The following ABHD2 variants were observed in gnomAD, a reference collection of about 807,000 sequenced individuals.
The protein encoded by ABHD2 is monoacylglycerol lipase ABHD2.
A neutral mutation model predicts 48.1 loss-of-function variants in ABHD2; 20 were observed. The ratio of observed to expected loss-of-function variants is 0.42; its 90% CI spans 0.29 to 0.60. The LOEUF (loss-of-function observed/expected upper bound fraction) is 0.60, where lower values mean the gene tolerates loss of function less well. Ranked by LOEUF, ABHD2 falls within the 20% of genes least tolerant of loss-of-function variation. The pLI is 0.24. For missense variants in ABHD2, 405 were observed against 550.9 expected (o/e 0.74, Z 2.65); for synonymous variants, 209 against 214.2 (o/e 0.98, Z 0.21).
chr15:89,108,519 T>C (rs1208520079), intron 1 of ABHD2, among the ~76,000 whole-genome samples: 1 of 152,224 alleles, frequency 6.6e-6, no homozygotes, highest in Admixed American at 6.5e-5. Context: ...TTCACTGGTT[T>C]CAGATGGACA....
In ABHD2 at chr15:89,146,345, C is replaced by A. The variant is rs1427833306; in HGVS notation, c.195-5332C>A. 7.3e-6 allele frequency among the ~76,000 whole-genome samples: 1 copy of A among 136,728 alleles called. No individual in the cohort carries two copies. Among genetic ancestry groups the A allele is most frequent in the African/African-American group, 2.8e-5 (1 of 35,524 alleles). 89.7% of individuals were successfully genotyped at this position (136,728 alleles called of 152,430 possible). ...CGTGCCTATGTGAGCTTCATCTGCT[C>A]AAAGACGTACGTGTGTGTGTGTGTG... On this transcript the variant is annotated intron_variant, in intron 3 of 10. Transcript: ENST00000352732. This position sits in a 1 kb window ranked among gnomAD's most constrained non-coding sequence, Gnocchi z 4.2.
At chr15:89,192,370 A>G (rs1853920526) in intron 9 of ABHD2, among the ~76,000 whole-genome samples, 1 of 152,214 alleles carries the variant, frequency 6.6e-6, no homozygotes, top group African/African-American at 2.4e-5. Flanking sequence ...GAGTCTCCCT[A>G]TCAGTACCAT....
In ABHD2 at chr15:89,184,686, G is replaced by A. The variant is rs2051175987; in HGVS notation, c.723-738G>A. ...CCTCCCTCTGCATGTGCTGCTGGCAGAACCTGGGCTCTGGAAAACAGGGAT... is the reference window on the plus strand; with the variant it reads ...CCTCCCTCTGCATGTGCTGCTGGCAAAACCTGGGCTCTGGAAAACAGGGAT... On this transcript the variant is annotated intron_variant, in intron 6 of 10. Coordinates refer to ENST00000352732, the MANE Select transcript of ABHD2 (RefSeq NM_152924.5). This position sits in a 1 kb window ranked among gnomAD's most constrained non-coding sequence, Gnocchi z 5.1. Among the ~76,000 whole-genome samples, 1 of 152,196 alleles carries A rather than the reference G, an allele frequency of 6.6e-6. No homozygotes were observed. Among genetic ancestry groups the A allele is most frequent in the Non-Finnish European group, 1.5e-5 (1 of 68,030 alleles).
At chr15:89,055,626 A>G in the ABHD2 span, among the ~76,000 whole-genome samples, 7 of 151,464 alleles carry the variant, frequency 4.6e-5, no homozygotes, top group East Asian at 1.2e-3. Context: ...ACTAGTTTAT[A>G]ATATTTACAG....
chr15:89,063,857 C>T, the ABHD2 span, among the ~76,000 whole-genome samples: 1 of 152,018 alleles, frequency 6.6e-6, no homozygotes, highest in African/African-American at 2.4e-5. Context: ...GGGTGGGTAG[C>T]GGGGATGTTT....
chr15:89,169,242 A>G (rs2050882692), intron 5 of ABHD2, among the ~76,000 whole-genome samples: 1 of 152,232 alleles, frequency 6.6e-6, no homozygotes, highest in Non-Finnish European at 1.5e-5. Flanking sequence ...GACATGGTCC[A>G]AAGTCTAGCG....
At chr15:89,089,664 G>C (rs902565435) in intron 1 of ABHD2, among the ~76,000 whole-genome samples, 3 of 152,216 alleles carry the variant, frequency 2.0e-5, no homozygotes, top group African/African-American at 2.4e-5. Context: ...AACAAGATCT[G>C]TGCCCAGAGC....
chr15:89,117,811 G>GGCCCCT lies in ABHD2; in HGVS notation c.194+1293_194+1298dup, dbSNP rs149086088. On this transcript the variant is annotated intron_variant, in intron 3 of 10. Coordinates refer to ENST00000352732, the MANE Select transcript of ABHD2 (RefSeq NM_152924.5). ...TAGGCAATGAACATCTGAGAGTCTGGGCCCCTGCTTTGTGTAGTTGTCTAG... is the reference window on the plus strand; with the variant it reads ...TAGGCAATGAACATCTGAGAGTCTGGGCCCCTGCCCCTGCTTTGTGTAGTTGTCTAG... 2.9e-3 allele frequency among the ~76,000 whole-genome samples: 435 copies of GGCCCCT among 152,236 alleles called. 1 individual carries two copies. The highest frequency in any genetic ancestry group is 0.01 in the African/African-American group (419 of 41,534).
chr15:89,052,543 AC>A, the ABHD2 span, among the ~76,000 whole-genome samples: 1 of 99,040 alleles, frequency 1.0e-5, no homozygotes, highest in Admixed American at 9.3e-5. Flanking sequence ...AGACAGACAG[AC>A]AGACAGACAG....
intron 6 of ABHD2, chr15:89,183,260 T>G (rs1490704934): frequency 6.6e-6 from 1 of 151,628 alleles, no homozygotes; most frequent in Non-Finnish European, 1.5e-5. Flanking sequence ...ACATACTGCC[T>G]ACATATGCAT....
Position 89,102,150 on chromosome 15 carries a change from C to T in ABHD2, c.-106-11575C>T, listed in dbSNP as rs140192858. On this transcript the variant is annotated intron_variant, in intron 1 of 10. Transcript: ENST00000352732. The surrounding 1 kb of genome is among the most constrained non-coding windows in gnomAD (Gnocchi z 4.8). ...CGCCCAGCATTCTTGGGCCTTGGCT[C>T]AACTGTGAGCCCAGCCTGACGTCTG... 2.9e-3 allele frequency among the ~76,000 whole-genome samples: 444 copies of T among 152,320 alleles called. 3 individuals are homozygous for T. The highest frequency in any genetic ancestry group is 0.01 in the African/African-American group (426 of 41,556).
intron 1 of ABHD2, among the ~76,000 whole-genome samples, chr15:89,099,833 C>T (rs541859474): frequency 2.6e-5 from 4 of 151,986 alleles, no homozygotes; most frequent in South Asian, 4.2e-4. Context: ...TGCTTGAACC[C>T]GGGAGGTGGA....
At chr15:89,138,802 A>G (rs1417864026) in intron 3 of ABHD2, among the ~76,000 whole-genome samples, 1 of 152,164 alleles carries the variant, frequency 6.6e-6, no homozygotes, top group East Asian at 1.9e-4. Context: ...CTTGAGTGTG[A>G]TAAAGTAAGG....
chr15:89,158,569 C>T (rs1398540213), intron 5 of ABHD2, among the ~76,000 whole-genome samples: 1 of 152,154 alleles, frequency 6.6e-6, no homozygotes, highest in Non-Finnish European at 1.5e-5. Flanking sequence ...CTGTGTGGCT[C>T]GAGCAGTTTC....
rs2049917413 is a variant in ABHD2, at chr15:89,114,081, A to G, written c.-7+257A>G. On this transcript the variant is annotated intron_variant, in intron 2 of 10. Coordinates refer to ENST00000352732, the MANE Select transcript of ABHD2 (RefSeq NM_152924.5). The surrounding 1 kb of genome is among the most constrained non-coding windows in gnomAD (Gnocchi z 4.2). Reference sequence around the variant, plus strand: ...TGGTGGATTTTAGTTTTGGTCCTCTAATAGAATGTGGAGACTTAAAAGCCT... The same window carrying G: ...TGGTGGATTTTAGTTTTGGTCCTCTGATAGAATGTGGAGACTTAAAAGCCT... Among the ~76,000 whole-genome samples, 1 of 152,218 alleles carries G rather than the reference A, an allele frequency of 6.6e-6. No individual in the cohort carries two copies. Among genetic ancestry groups the G allele is most frequent in the Admixed American group, 6.5e-5 (1 of 15,290 alleles).
At chr15:89,066,884 G>A in the ABHD2 span, among the ~76,000 whole-genome samples, 61 of 152,348 alleles carry the variant, frequency 4.0e-4, 1 homozygote, top group South Asian at 2.3e-3. Flanking sequence ...TGTGTTAGTC[G>A]TCCTTTCTCC....
rs1336078555 is a variant in ABHD2, at chr15:89,116,657, C to T, written c.194+136C>T. 15 of 912,524 alleles carry T rather than the reference C, an allele frequency of 1.6e-5. No individual in the cohort carries two copies. Among genetic ancestry groups the T allele is most frequent in the Non-Finnish European group, 2.4e-5 (15 of 615,080 alleles). The allele number at this position is 912,524 out of a possible 1,614,324, so 56.5% of individuals were successfully genotyped here. On this transcript the variant is annotated intron_variant, in intron 3 of 10. Coordinates refer to ENST00000352732, the MANE Select transcript of ABHD2 (RefSeq NM_152924.5). The surrounding 1 kb of genome is among the most constrained non-coding windows in gnomAD (Gnocchi z 4.6). ...GACGTCACTGGTGTTAAAATAGCCA[C>T]AGTCTGATTGCAGTCTAGTGTTTGA...
the ABHD2 span, among the ~76,000 whole-genome samples, chr15:89,054,820 T>G: frequency 6.6e-6 from 1 of 152,214 alleles, no homozygotes; most frequent in Non-Finnish European, 1.5e-5. Context: ...CTATATGTAC[T>G]GTTTGTAACA....
At chr15:89,131,870 A>G (rs572163189) in intron 3 of ABHD2, among the ~76,000 whole-genome samples, 10 of 152,288 alleles carry the variant, frequency 6.6e-5, no homozygotes, top group African/African-American at 2.2e-4. Context: ...AATAGGTGCT[A>G]TTGAAAACTG....
Sources: gnomAD v4.1 joint callset for allele counts (sites outside exome capture counted in the v4.1 genomes callset) on GRCh38, gnomAD v4.1.1 for gene constraint, Gnocchi (gnomAD v3.1) non-coding constraint, MANE v1.5 for transcripts, NCBI Gene and HGNC (gene_info 2026-07-23, HGNC 2026-07-21) for gene names.